The following LUZP2 variants were observed in gnomAD, a reference collection of about 807,000 sequenced individuals.
LUZP2 encodes the protein leucine zipper protein 2.
LUZP2 carries 52 observed loss-of-function variants against 51.6 expected under a neutral mutation model. The ratio of observed to expected loss-of-function variants is 1.01; its 90% CI spans 0.81 to 1.27. The LOEUF is 1.27. Among genes scored for constraint, LUZP2 ranks in the 50% most tolerant of loss-of-function variants. LUZP2 has a pLI of 0.00. For synonymous variants in LUZP2, 154 were observed against 137.3 expected (o/e 1.12, Z -0.85); for missense variants, 436 against 395.4 (o/e 1.10, Z -0.87).
At chr11:24,531,207 T>G (rs1473413277) in intron 1 of LUZP2, among the ~76,000 whole-genome samples, 1 of 150,566 alleles carries the variant, frequency 6.6e-6, no homozygotes, top group African/African-American at 2.4e-5. Flanking sequence ...TAATGAAGAC[T>G]AAACAATGTA....
intron 5 of LUZP2, among the ~76,000 whole-genome samples, chr11:24,850,121 A>G (rs1197966482): frequency 6.6e-6 from 1 of 151,768 alleles, no homozygotes; most frequent in South Asian, 2.1e-4. Flanking sequence ...GAAGCTCTTT[A>G]GTTTAATTAG....
intron 1 of LUZP2, among the ~76,000 whole-genome samples, chr11:24,592,037 A>C (rs1853278660): frequency 6.6e-6 from 1 of 152,180 alleles, no homozygotes; most frequent in Non-Finnish European, 1.5e-5. Context: ...GGGAAAAGGA[A>C]CTGTGCAGTG....
At chr11:24,788,919 A>G (rs1213274847) in intron 5 of LUZP2, among the ~76,000 whole-genome samples, 1 of 152,180 alleles carries the variant, frequency 6.6e-6, no homozygotes, top group African/African-American at 2.4e-5. Flanking sequence ...CAAGCCACCA[A>G]TTCAAACGCA....
rs564149097 is a variant in LUZP2 at position 24,898,180 on chromosome 11, G to A, written c.397-7811G>A. ...TGAGAAAATATCCATGAAGAGAAAC[G>A]TAAGAACTTACATAAATTGGAAGAG... is the stretch of plus-strand genomic sequence containing the variant. On this transcript the variant is annotated intron_variant, in intron 5 of 11. Coordinates refer to ENST00000336930, the MANE Select transcript of LUZP2 (RefSeq NM_001009909.4). Among the ~76,000 whole-genome samples the A allele has an allele frequency of 3.6e-3, 549 of 151,896 alleles. 6 individuals carry two copies. Among genetic ancestry groups the A allele is most frequent in the Middle Eastern group, 0.01 (3 of 294 alleles).
At position 25,073,759 on chromosome 11, in the gene LUZP2, T is replaced by C. The variant is rs117917686; in HGVS notation, c.859-3570T>C. ...TTGCATCACTGTTGATTCTGTGACA[T>C]AAAATAATGTCAGTGTCAACTGATC... On this transcript the variant is annotated intron_variant, in intron 10 of 11. Transcript: ENST00000336930. 1.7e-3 allele frequency among the ~76,000 whole-genome samples: 253 copies of C among 152,244 alleles called. 3 individuals carry two copies. In the South Asian group the frequency reaches 0.027, roughly 16 times the overall value.
chr11:25,010,828 C>A (rs528784959), intron 9 of LUZP2, among the ~76,000 whole-genome samples: 1 of 152,016 alleles, frequency 6.6e-6, no homozygotes, highest in Admixed American at 6.6e-5. Flanking sequence ...GCCTGGGTGA[C>A]AGAGTGAGAT....
At chr11:24,681,126 C>T (rs1331231150) in intron 1 of LUZP2, among the ~76,000 whole-genome samples, 2 of 151,980 alleles carry the variant, frequency 1.3e-5, no homozygotes, top group African/African-American at 4.8e-5. Flanking sequence ...GGACTACAGG[C>T]GCCCGCCACC....
rs1409881861 is a variant in LUZP2, at chr11:24,680,979, T to A, written c.63-48190T>A. ...GTCTTTAATTTCTTTCTTTATTTTTTTTTTTTTTTTTTTGAGACGGAGTCT... is the reference window on the plus strand; with the variant it reads ...GTCTTTAATTTCTTTCTTTATTTTTATTTTTTTTTTTTTGAGACGGAGTCT... On this transcript the variant is annotated intron_variant, in intron 1 of 11. Coordinates refer to ENST00000336930, the MANE Select transcript of LUZP2 (RefSeq NM_001009909.4). Among the ~76,000 whole-genome samples, 437 of 148,394 alleles carry A rather than the reference T, an allele frequency of 2.9e-3. 3 individuals are homozygous for A. The highest frequency in any genetic ancestry group is 6.9e-3 in the Middle Eastern group (2 of 288).
intron 1 of LUZP2, among the ~76,000 whole-genome samples, chr11:24,670,008 T>G (rs542464195): frequency 6.6e-6 from 1 of 152,172 alleles, no homozygotes; most frequent in South Asian, 2.1e-4. Flanking sequence ...TAAAAAAAAC[T>G]AAAACATATT....
At chr11:24,736,445 T>C (rs920823072) in intron 3 of LUZP2, among the ~76,000 whole-genome samples, 1 of 151,736 alleles carries the variant, frequency 6.6e-6, no homozygotes, top group African/African-American at 2.4e-5. Flanking sequence ...TGTTGAAGAT[T>C]TGAGTGTTTG....
intron 7 of LUZP2, among the ~76,000 whole-genome samples, chr11:24,973,441 T>G (rs1361653576): frequency 1.3e-5 from 2 of 149,898 alleles, no homozygotes; most frequent in African/African-American, 2.4e-5. Flanking sequence ...TCTAGCTCCT[T>G]CAGTTCAGCT....
At chr11:24,911,588 A>G (rs1206683184) in intron 6 of LUZP2, among the ~76,000 whole-genome samples, 2 of 152,098 alleles carry the variant, frequency 1.3e-5, no homozygotes, top group African/African-American at 2.4e-5. Flanking sequence ...GCCTTCCACC[A>G]TGATTATAAG....
chr11:24,657,267 CA>C (rs1170964763), intron 1 of LUZP2, among the ~76,000 whole-genome samples: 3 of 152,058 alleles, frequency 2.0e-5, no homozygotes, highest in African/African-American at 7.2e-5. Flanking sequence ...GCTGACAGGA[CA>C]AACTTATATA....
In LUZP2 at chr11:24,737,552, A is replaced by T. The variant is rs550996418; in HGVS notation, c.252-669A>T. 1.4e-3 allele frequency among the ~76,000 whole-genome samples: 213 copies of T among 152,194 alleles called. 2 individuals carry two copies. The highest frequency in any genetic ancestry group is 5.0e-3 in the African/African-American group (208 of 41,554). On this transcript the variant is annotated intron_variant, in intron 3 of 11. Coordinates refer to ENST00000336930, the MANE Select transcript of LUZP2 (RefSeq NM_001009909.4). ...TAATATGATGTGTTATAAATAAATA[A>T]ATCCTAAATCCTTAAGAGAAATGCA...
chr11:24,973,364 GTT>G (rs369095558), intron 7 of LUZP2, among the ~76,000 whole-genome samples: 1,868 of 102,986 alleles, frequency 0.018, 54 homozygotes, highest in African/African-American at 0.062. Flanking sequence ...ATATTTATTA[GTT>G]TTTTTTTTTT....
intron 1 of LUZP2, among the ~76,000 whole-genome samples, chr11:24,682,655 T>C (rs926100566): frequency 2.7e-5 from 4 of 150,016 alleles, no homozygotes; most frequent in African/African-American, 7.3e-5. Context: ...CACACACACA[T>C]ACACATATAT....
At chr11:24,530,054 T>C (rs1040213659) in intron 1 of LUZP2, among the ~76,000 whole-genome samples, 1 of 151,124 alleles carries the variant, frequency 6.6e-6, no homozygotes, top group East Asian at 1.9e-4. Context: ...CCTATAAAAC[T>C]TGGGTATTAA....
rs1236268658 is a variant in LUZP2 at position 24,673,903 on chromosome 11, CTA to C, written c.63-55264_63-55263del. ...AACCATCTAAATTTGTTTTCTATGA[CTA>C]TGTTAGTACTGACATTTCTCATCAA... On this transcript the variant is annotated intron_variant, in intron 1 of 11. Transcript: ENST00000336930. Among the ~76,000 whole-genome samples the C allele has an allele frequency of 3.3e-5, 5 of 152,282 alleles. No homozygotes were observed. The East Asian group carries it at 9.6e-4, about 29-fold the overall frequency.
At chr11:24,869,153 A>G (rs553824979) in intron 5 of LUZP2, among the ~76,000 whole-genome samples, 3 of 152,284 alleles carry the variant, frequency 2.0e-5, no homozygotes, top group African/African-American at 7.2e-5. Context: ...TCTGCTTGAT[A>G]CATACCATCA....
Sources: allele counts gnomAD v4.1 joint callset (sites outside exome capture counted in the v4.1 genomes callset), GRCh38; gene constraint gnomAD v4.1.1; transcripts MANE v1.5; gene names NCBI Gene and HGNC (gene_info 2026-07-23, HGNC 2026-07-21).